CC2D1A: variants seen among roughly 807,000 people sequenced by gnomAD.
CC2D1A encodes the protein coiled-coil and C2 domain-containing protein 1A.
In CC2D1A, 68 loss-of-function variants were observed where a neutral mutation model predicts 123.8. The ratio of observed to expected loss-of-function variants is 0.55; its 90% CI spans 0.45 to 0.67. CC2D1A has a LOEUF of 0.67. Among genes scored for constraint, CC2D1A ranks in the 30% least tolerant of loss-of-function variants. The probability of loss-of-function intolerance (pLI) is 0.00; values close to 1 mark genes in which losing one functional copy is unlikely to be tolerated. For missense variants in CC2D1A, 1,185 were observed against 1,290.3 expected, an observed-to-expected ratio of 0.92 and a Z score of 1.25; for synonymous variants, 477 against 528.0, an observed-to-expected ratio of 0.90 and a Z score of 1.32.
At chr19:13,926,030 A>ATATATATATATACGTATATATATGTGTG (rs1568418937) in intron 17 of CC2D1A, among the ~76,000 whole-genome samples, 2 of 87,688 alleles carry the variant, frequency 2.3e-5, no homozygotes, top group African/African-American at 1.5e-4. Context: ...ATATATGTGT[A>ATATATATATATACGTATATATATGTGTG]TATATATATA....
At chr19:13,926,037 TATATATACAC>T (rs1568418989) in intron 17 of CC2D1A, among the ~76,000 whole-genome samples, 14 of 89,174 alleles carry the variant, frequency 1.6e-4, no homozygotes, top group South Asian at 1.1e-3. Flanking sequence ...TGTATATATA[TATATATACAC>T]GTATATATAT....
At position 13,923,389 on chromosome 19, in the gene CC2D1A, G is replaced by A. The variant is rs369369513; in HGVS notation, c.1698G>A (p.Pro566=). The part of the protein sequence containing the change: ...DDFALVQRPG[P]GLSQEAARRY... ...TTGCCCTGGTCCAGCGGCCTGGCCCGGGTCTGTCTCAGGAGGCCGCCCGGC... is the reference window on the plus strand; with the variant it reads ...TTGCCCTGGTCCAGCGGCCTGGCCCAGGTCTGTCTCAGGAGGCCGCCCGGC... Residue 566 remains proline, a synonymous_variant, in exon 15 of 29, where the codon CCG becomes CCA. Transcript: ENST00000318003. This position sits in a 1 kb window ranked among gnomAD's most constrained non-coding sequence, Gnocchi z 5.3. 74 of 1,612,642 alleles carry A rather than the reference G, an allele frequency of 4.6e-5. No homozygotes were observed. The highest frequency in any genetic ancestry group is 1.6e-4 in the Middle Eastern group (1 of 6,068).
At chr19:13,911,916 C>T (rs1020947384) in intron 2 of CC2D1A, among the ~76,000 whole-genome samples, 2 of 152,054 alleles carry the variant, frequency 1.3e-5, no homozygotes, top group Admixed American at 6.6e-5. Context: ...GGGGTTTCAC[C>T]GTGTTAGCCA....
Position 13,913,523 on chromosome 19 carries a change from C to T in CC2D1A, c.633C>T (p.Pro211=). The change falls in exon 6 of 29, where the codon CCC becomes CCT. Residue 211 remains proline (P), a synonymous_variant. Coordinates refer to ENST00000318003, the MANE Select transcript of CC2D1A (RefSeq NM_017721.5). ...PASTPTYSPA[P]TQPAPRIASA... The stretch of plus-strand genomic sequence containing the variant: ...CCACGCCTACCTACAGCCCTGCACC[C>T]ACCCAGCCGGCCCCTAGAATCGCGT... The T allele has an allele frequency of 6.2e-7, 1 of 1,614,140 alleles. No individual in the cohort carries two copies. The highest frequency in any genetic ancestry group is 8.5e-7 in the Non-Finnish European group (1 of 1,180,044).
chr19:13,920,012 C>A, intron 12 of CC2D1A, 61 bp downstream of exon 12: 1 of 1,495,500 alleles, frequency 6.7e-7, no homozygotes, highest in Admixed American at 1.9e-5. Context: ...TTTGGGAATC[C>A]AAGATGGGAG....
chr19:13,913,016 T>A, intron 4 of CC2D1A, 152 bp from the exon 5 acceptor site: 2 of 780,276 alleles, frequency 2.6e-6, no homozygotes, highest in Non-Finnish European at 4.0e-6. Flanking sequence ...CCCCATTCCC[T>A]CCACTGGGAA....
Position 13,929,376 on chromosome 19 carries a change from T to C in CC2D1A, c.2520-3T>C. 1 of 1,613,382 alleles carries C rather than the reference T, an allele frequency of 6.2e-7. No homozygotes were observed. The highest frequency in any genetic ancestry group is 2.2e-5 in the East Asian group (1 of 44,796). On this transcript the variant is annotated splice_region_variant and splice_polypyrimidine_tract_variant and intron_variant, in intron 24 of 28. Coordinates refer to ENST00000318003, the MANE Select transcript of CC2D1A (RefSeq NM_017721.5). Reference sequence around the variant, plus strand: ...AGTCCCTTATCCTTCCTCCACCCCTTAGATCAGCCCGGCCCCTGCATAGCC... The same window carrying C: ...AGTCCCTTATCCTTCCTCCACCCCTCAGATCAGCCCGGCCCCTGCATAGCC...
chr19:13,924,075 G>T (rs986931644), intron 17 of CC2D1A, among the ~76,000 whole-genome samples: 1 of 152,208 alleles, frequency 6.6e-6, no homozygotes, highest in Non-Finnish European at 1.5e-5. Context: ...GTGAGTCCAC[G>T]GGGGACCAGA....
At chr19:13,911,947 C>T (rs982041636) in intron 2 of CC2D1A, among the ~76,000 whole-genome samples, 1 of 152,120 alleles carries the variant, frequency 6.6e-6, no homozygotes, top group African/African-American at 2.4e-5. Flanking sequence ...GATCTCCTGA[C>T]CTTGTGATCC....
Position 13,919,730 on chromosome 19 carries a change from G to A in CC2D1A, c.1223-88G>A, listed in dbSNP as rs1971343536. ...AAAGTAAAGGCCCAAGACTCTATAG[G>A]TGGGAGAGGAATCTGCATCTCCACC... On this transcript the variant is annotated intron_variant, in intron 11 of 28. Transcript: ENST00000318003. The A allele has an allele frequency of 5.0e-6, 7 of 1,394,546 alleles. No individual in the cohort carries two copies. In the East Asian group the frequency reaches 1.7e-4, roughly 33 times the overall value. The allele number at this position is 1,394,546 out of a possible 1,614,324, so 86.4% of individuals were successfully genotyped here. A position where few individuals can be genotyped will look rare whatever the true frequency, so the allele number is the denominator to read the frequency against.
At chr19:13,916,654 A>G (rs922941231) in intron 6 of CC2D1A, among the ~76,000 whole-genome samples, 2 of 152,200 alleles carry the variant, frequency 1.3e-5, no homozygotes, top group Non-Finnish European at 2.9e-5. Context: ...ACCCGGAAAA[A>G]CATTGTTTTT....
In CC2D1A at chr19:13,927,272, G is replaced by A. The variant is rs894282430; in HGVS notation, c.2316+7G>A. On this transcript the variant is annotated splice_region_variant and intron_variant, in intron 22 of 28. Coordinates refer to ENST00000318003, the MANE Select transcript of CC2D1A (RefSeq NM_017721.5). Reference sequence around the variant, plus strand: ...GGTCCGGGAGATCCTTGAGGTGAGAGGTGGACATTCATCCGCGTGCTCCGG... The same window carrying A: ...GGTCCGGGAGATCCTTGAGGTGAGAAGTGGACATTCATCCGCGTGCTCCGG... 1 of 1,610,804 alleles carries A rather than the reference G, an allele frequency of 6.2e-7. No individual in the cohort carries two copies. The highest frequency in any genetic ancestry group is 8.5e-7 in the Non-Finnish European group (1 of 1,177,156).
chr19:13,926,437 G>A, intron 17 of CC2D1A, 80 bp from the exon 18 acceptor site: 1 of 1,371,202 alleles, frequency 7.3e-7, no homozygotes, highest in Non-Finnish European at 1.0e-6. Context: ...CCCACTGGGG[G>A]AAGAGAAGGC....
chr19:13,909,790 A>G, intron 1 of CC2D1A, 33 bp from the exon 2 acceptor site: 1 of 1,607,252 alleles, frequency 6.2e-7, no homozygotes, highest in Non-Finnish European at 8.5e-7. Context: ...GTGGTGAACC[A>G]AAGGTCTGAC....
At position 13,918,727 on chromosome 19, in the gene CC2D1A, T is replaced by A; in HGVS notation, c.947-19T>A. 1 of 1,606,882 alleles carries A rather than the reference T, an allele frequency of 6.2e-7. No individual in the cohort carries two copies. The highest frequency in any genetic ancestry group is 8.5e-7 in the Non-Finnish European group (1 of 1,176,222). On this transcript the variant is annotated intron_variant, in intron 8 of 28. Transcript: ENST00000318003. ...GCAGCTAACAAGCCCCTCATTGGCCTGGACCTCTCTGTCCCCAGACCAGCT... is the reference window on the plus strand; with the variant it reads ...GCAGCTAACAAGCCCCTCATTGGCCAGGACCTCTCTGTCCCCAGACCAGCT...
In CC2D1A at chr19:13,930,371, C is replaced by T. The variant is rs1971863213; in HGVS notation, c.2836-4C>T. On this transcript the variant is annotated splice_polypyrimidine_tract_variant and splice_region_variant and intron_variant, in intron 28 of 28. Transcript: ENST00000318003. This position sits in a 1 kb window ranked among gnomAD's most constrained non-coding sequence, Gnocchi z 6.8. Reference sequence around the variant, plus strand: ...CATGACCCCAGTGGCCTCCTCTCCCCCAGCTGCAGCGGCTCCGCAGGTGAG... The same window carrying T: ...CATGACCCCAGTGGCCTCCTCTCCCTCAGCTGCAGCGGCTCCGCAGGTGAG... 6.2e-7 allele frequency: 1 copy of T among 1,613,322 alleles called. No homozygotes were observed. Among genetic ancestry groups the T allele is most frequent in the Non-Finnish European group, 8.5e-7 (1 of 1,179,552 alleles).
Position 13,919,872 on chromosome 19 carries a change from T to C in CC2D1A, c.1277T>C (p.Val426Ala), listed in dbSNP as rs1416413661. 2.5e-6 allele frequency: 4 copies of C among 1,612,604 alleles called. No individual in the cohort carries two copies. Among genetic ancestry groups the C allele is most frequent in the East Asian group, 2.2e-5 (1 of 44,872 alleles). Residue 426 changes from valine to alanine, a missense_variant, in exon 12 of 29, where the codon GTG becomes GCG. By Grantham distance (64) the Val-to-Ala change is moderately conservative. Coordinates refer to ENST00000318003, the MANE Select transcript of CC2D1A (RefSeq NM_017721.5). ...EATKPTQQSL[V>A]GVLETAMKLA... ...ACCAAGCCCACCCAGCAGAGTCTGG[T>C]GGGTGTCCTGGAGACTGCCATGAAG...
In CC2D1A at chr19:13,918,567, C is replaced by T. The variant is rs1472671504; in HGVS notation, c.937C>T (p.Pro313Ser). ...GEPVDLSCLP[P>S]PPDQLPPDPP... is the part of the protein sequence containing the mutation. ...GCCCGTGGACCTCTCCTGCCTGCCC[C>T]CTCCACCCGGTGAGAACCCTGCCAT... The change falls in exon 8 of 29, where the codon CCT becomes TCT. Residue 313 changes from proline to serine, a missense_variant. Coordinates refer to ENST00000318003, the MANE Select transcript of CC2D1A (RefSeq NM_017721.5). 6 of 1,613,458 alleles carry T rather than the reference C, an allele frequency of 3.7e-6. No individual in the cohort carries two copies. In the African/African-American group the frequency reaches 5.3e-5, roughly 14 times the overall value.
At chr19:13,916,946 T>G (rs1971227853) in intron 6 of CC2D1A, among the ~76,000 whole-genome samples, 1 of 152,226 alleles carries the variant, frequency 6.6e-6, no homozygotes, top group African/African-American at 2.4e-5. Context: ...GAGCATATTA[T>G]TTGAAACTGT....
Sources: allele counts gnomAD v4.1 joint callset (sites outside exome capture counted in the v4.1 genomes callset), GRCh38; gene constraint gnomAD v4.1.1; non-coding constraint Gnocchi (gnomAD v3.1); transcripts MANE v1.5; gene names NCBI Gene and HGNC (gene_info 2026-07-23, HGNC 2026-07-21).